Variants in ARSA observed in about 807,000 individuals in gnomAD.
The protein encoded by ARSA is arylsulfatase A, also known as cerebroside-sulfatase.
A neutral mutation model predicts 37.8 loss-of-function variants in ARSA; 32 were observed. The observed-to-expected ratio is 0.85, with a 90% CI of 0.64 to 1.14. The LOEUF (loss-of-function observed/expected upper bound fraction) is 1.14. Among genes scored for constraint, ARSA ranks in the 50% most tolerant of loss-of-function variants. ARSA has a pLI of 0.00. For missense variants in ARSA, 685 were observed against 686.3 expected (o/e 1.00, Z 0.02); for synonymous variants, 303 against 303.4 (o/e 1.00, Z 0.01).
Position 50,626,935 on chromosome 22 carries a change from A to T in ARSA, c.583T>A (p.Trp195Arg). The T allele has an allele frequency of 6.2e-7, 1 of 1,613,160 alleles. No homozygotes were observed. The highest frequency in any genetic ancestry group is 8.5e-7 in the Non-Finnish European group (1 of 1,179,946). ...ANLSVEAQPP[W>R]LPGLEARYMA... The stretch of plus-strand genomic sequence containing the variant: ...TAGCGGGCCTCTAGTCCGGGCAGCC[A>T]GGGGGGCTGCGCCTCCACGGACAGG... The change falls in exon 3 of 8, where the codon TGG becomes AGG. Residue 195 changes from tryptophan to arginine, a missense_variant. Trp to Arg is a moderately radical substitution (Grantham distance 101). Coordinates refer to ENST00000216124, the MANE Select transcript of ARSA (RefSeq NM_000487.6).
At chr22:50,625,511 G>A (rs1353416349) in intron 7 of ARSA, 47 bp from the exon 8 acceptor site, 1 of 1,612,172 alleles carries the variant, frequency 6.2e-7, no homozygotes, top group Admixed American at 1.7e-5. Flanking sequence ...CGAGAGGAGG[G>A]GCCAGGGATC....
In ARSA at chr22:50,628,091, G is replaced by T; in HGVS notation, c.-312C>A. 3 of 379,898 alleles carry T rather than the reference G, an allele frequency of 7.9e-6. No individual in the cohort carries two copies. Among genetic ancestry groups the T allele is most frequent in the East Asian group, 5.3e-5 (1 of 18,786 alleles). 23.5% of individuals were successfully genotyped at this position (379,898 alleles called of 1,614,324 possible). On this transcript the variant is annotated 5_prime_UTR_variant, in exon 1 of 8. Transcript: ENST00000216124. ...GGCGCTGACCAGCGGAGTCGGGCCG[G>T]GGGGAAGGCGCTAGAGGGAGCCCAG...
chr22:50,625,504 G>A (rs2082649014), intron 7 of ARSA, 40 bp from the exon 8 acceptor site: 2 of 1,612,090 alleles, frequency 1.2e-6, no homozygotes, highest in African/African-American at 1.3e-5. Flanking sequence ...GCAAGGGCGA[G>A]AGGAGGGGCC....
At position 50,624,373 on chromosome 22, in the gene ARSA, C is replaced by T. The variant is rs2082630485; in HGVS notation, c.*772G>A. ...GGCGTGAGCCACCGTGCCCAGCCAACAGATATTTTTAAGAGATCACTTTGT... is the reference window on the plus strand; with the variant it reads ...GGCGTGAGCCACCGTGCCCAGCCAATAGATATTTTTAAGAGATCACTTTGT... On this transcript the variant is annotated 3_prime_UTR_variant, in exon 8 of 8. Transcript: ENST00000216124. Among the ~76,000 whole-genome samples, 1 of 152,190 alleles carries T rather than the reference C, an allele frequency of 6.6e-6. No homozygotes were observed. Among genetic ancestry groups the T allele is most frequent in the Admixed American group, 6.5e-5 (1 of 15,270 alleles).
rs2146713993 is a variant in ARSA at position 50,624,702 on chromosome 22, TTC to T, written c.*441_*442del. Among the ~76,000 whole-genome samples, 1 of 152,288 alleles carries T rather than the reference TTC, an allele frequency of 6.6e-6. No homozygotes were observed. Among genetic ancestry groups the T allele is most frequent in the African/African-American group, 2.4e-5 (1 of 41,564 alleles). On this transcript the variant is annotated 3_prime_UTR_variant, in exon 8 of 8. Transcript: ENST00000216124. ...CCGTCTCTCTCAGGCACTTTGCATC[TTC>T]TGAGTCTTCTGGCCCTCACACCCTC...
Position 50,625,001 on chromosome 22 carries a change from C to T in ARSA, c.*144G>A, listed in dbSNP as rs2082638028. ...GGACCGGCACCAGCACACAGCATTA[C>T]CCCAGGATTGGACGAATTGTCACAT... On this transcript the variant is annotated 3_prime_UTR_variant, in exon 8 of 8. Transcript: ENST00000216124. 1 of 1,030,272 alleles carries T rather than the reference C, an allele frequency of 9.7e-7. No homozygotes were observed. Among genetic ancestry groups the T allele is most frequent in the Non-Finnish European group, 1.4e-6 (1 of 732,498 alleles). The allele number at this position is 1,030,272 out of a possible 1,614,324, so 63.8% of individuals were successfully genotyped here.
chr22:50,626,151 G>C lies in ARSA; in HGVS notation c.979+3C>G. ...GTTCCAAGGAGAGGGCCTGCGGACT[G>C]ACCGGGAGCGATATGACCTGGCCAG... On this transcript the variant is annotated splice_donor_region_variant and intron_variant, in intron 5 of 7. Coordinates refer to ENST00000216124, the MANE Select transcript of ARSA (RefSeq NM_000487.6). The C allele has an allele frequency of 6.2e-7, 1 of 1,601,160 alleles. No individual in the cohort carries two copies. The highest frequency in any genetic ancestry group is 8.5e-7 in the Non-Finnish European group (1 of 1,175,078).
chr22:50,625,826 C>G, intron 6 of ARSA, 110 bp downstream of exon 6: 1 of 1,542,918 alleles, frequency 6.5e-7, no homozygotes, highest in Non-Finnish European at 8.8e-7. Context: ...TTGGATGCCA[C>G]TCAGTGCAGG....
Position 50,625,106 on chromosome 22 carries a change from G to T in ARSA, c.*39C>A. 4.7e-6 allele frequency: 7 copies of T among 1,492,006 alleles called. No homozygotes were observed. The highest frequency in any genetic ancestry group is 6.2e-6 in the Non-Finnish European group (7 of 1,121,676). 92.4% of individuals were successfully genotyped at this position (1,492,006 alleles called of 1,614,324 possible). A position where few individuals can be genotyped will look rare whatever the true frequency, so the allele number is the denominator to read the frequency against. ...CCTGAGCCTCCCCCACAGGCTCCCA[G>T]TGAGGAGCCATCACATGCCCAGGCC... On this transcript the variant is annotated 3_prime_UTR_variant, in exon 8 of 8. Coordinates refer to ENST00000216124, the MANE Select transcript of ARSA (RefSeq NM_000487.6).
rs2082703623 is a variant in ARSA at position 50,627,808 on chromosome 22, G to C, written c.-29C>G. 1.6e-5 allele frequency: 25 copies of C among 1,528,664 alleles called. No homozygotes were observed. Among genetic ancestry groups the C allele is most frequent in the Non-Finnish European group, 2.0e-5 (23 of 1,139,354 alleles). The allele number at this position is 1,528,664 out of a possible 1,614,324, so 94.7% of individuals were successfully genotyped here. ...ACCGAGGGGTCTGTCCCAAGAGAGG[G>C]AGGGCTACTTGGCTCCAGCAGGCTC... On this transcript the variant is annotated 5_prime_UTR_variant, in exon 1 of 8. Coordinates refer to ENST00000216124, the MANE Select transcript of ARSA (RefSeq NM_000487.6).
In ARSA at chr22:50,626,820, C is replaced by A; in HGVS notation, c.684+14G>T. 6.2e-7 allele frequency: 1 copy of A among 1,611,558 alleles called. No individual in the cohort carries two copies. Among genetic ancestry groups the A allele is most frequent in the Non-Finnish European group, 8.5e-7 (1 of 1,178,142 alleles). ...GGTCACGGGCAGCCAGGGGGTTGGG[C>A]CAAGATCACTTACGTGAGAGGCATA... On this transcript the variant is annotated intron_variant, in intron 3 of 7. Coordinates refer to ENST00000216124, the MANE Select transcript of ARSA (RefSeq NM_000487.6).
rs6151416 is a variant in ARSA at position 50,626,801 on chromosome 22, G to A, written c.684+33C>T. On this transcript the variant is annotated intron_variant, in intron 3 of 7. Coordinates refer to ENST00000216124, the MANE Select transcript of ARSA (RefSeq NM_000487.6). ...GGAGTTAGCACTGGGTAGGGGTCAC[G>A]GGCAGCCAGGGGGTTGGGCCAAGAT... 101,439 of 1,611,146 alleles carry A rather than the reference G, an allele frequency of 0.063. 3,671 individuals are homozygous for A. The highest frequency in any genetic ancestry group is 0.072 in the Non-Finnish European group (85,073 of 1,177,726).
chr22:50,626,353 C>A, intron 4 of ARSA, 75 bp from the exon 5 acceptor site: 2 of 1,584,460 alleles, frequency 1.3e-6, no homozygotes, highest in East Asian at 4.5e-5. Flanking sequence ...TGGCCCCACA[C>A]CTCTAAGTCA....
chr22:50,626,386 A>G (rs1320243791), intron 4 of ARSA, 108 bp from the exon 5 acceptor site: 1 of 1,543,000 alleles, frequency 6.5e-7, no homozygotes, highest in Non-Finnish European at 8.7e-7. Flanking sequence ...GGAGGTGCCC[A>G]GCATGAGCCC....
Position 50,627,718 on chromosome 22 carries a change from C to T in ARSA, c.62G>A (p.Arg21His). The change falls in exon 1 of 8, where the codon CGT (arginine) becomes CAT (histidine). Residue 21 changes from arginine (R) to histidine (H), a missense_variant. Physicochemically the swap from Arg to His is conservative, Grantham distance 29 (BLOSUM62 0). Transcript: ENST00000216124. ...LALAAGLAVA[R>H]PPNIVLIFAD... ...AAAGATCAGCACGATGTTGGGCGGA[C>T]GGGCAACGGCCAGGCCAGCAGCCAG... is the stretch of plus-strand genomic sequence containing the variant. 2 of 1,554,048 alleles carry T rather than the reference C, an allele frequency of 1.3e-6. No homozygotes were observed. Among genetic ancestry groups the T allele is most frequent in the South Asian group, 1.2e-5 (1 of 84,356 alleles).
At position 50,623,932 on chromosome 22, in the gene ARSA, A is replaced by AC. The variant is rs2082624750; in HGVS notation, c.*1212_*1213insG. ...AAAAAAAAAAAAAAAAAAAAAAAAA[A>AC]AAAAAACAAAAACAAATCTTTAGAG... is the stretch of plus-strand genomic sequence containing the variant. On this transcript the variant is annotated 3_prime_UTR_variant, in exon 8 of 8. Transcript: ENST00000216124. 7 of 125,518 alleles carry AC rather than the reference A, an allele frequency of 5.6e-5. No individual in the cohort carries two copies. The highest frequency in any genetic ancestry group is 1.6e-4 in the Admixed American group (2 of 12,244). The allele number at this position is 125,518 out of a possible 1,614,324, so 7.8% of individuals were successfully genotyped here.
In ARSA at chr22:50,627,149, G is replaced by A; in HGVS notation, c.465+17C>T. Reference sequence around the variant, plus strand: ...TTGGGAGGTGGGAGGGTGGCTGAGGGCCCGGGTGGTTCCTACCTGGTCGTG... The same window carrying A: ...TTGGGAGGTGGGAGGGTGGCTGAGGACCCGGGTGGTTCCTACCTGGTCGTG... On this transcript the variant is annotated intron_variant, in intron 2 of 7. Coordinates refer to ENST00000216124, the MANE Select transcript of ARSA (RefSeq NM_000487.6). 1.2e-6 allele frequency: 2 copies of A among 1,602,770 alleles called. No homozygotes were observed. Among genetic ancestry groups the A allele is most frequent in the Admixed American group, 3.4e-5 (2 of 59,620 alleles).
rs759098239 is a variant in ARSA, at chr22:50,626,898, G to T, written c.620C>A (p.Ala207Asp). 1 of 1,613,490 alleles carries T rather than the reference G, an allele frequency of 6.2e-7. No individual in the cohort carries two copies. Among genetic ancestry groups the T allele is most frequent in the South Asian group, 1.1e-5 (1 of 91,078 alleles). ...PGLEARYMAF[A>D]HDLMADAQRQ... ...CTGGGCGTCGGCCATGAGGTCATGG[G>T]CGAAAGCCATGTAGCGGGCCTCTAG... is the stretch of plus-strand genomic sequence containing the variant. The change falls in exon 3 of 8, where the codon GCC (alanine) becomes GAC (aspartate). Residue 207 changes from alanine to aspartate, a missense_variant. By Grantham distance (126) the Ala-to-Asp change is moderately radical. Transcript: ENST00000216124.
At chr22:50,625,498 G>A (rs1177930083) in intron 7 of ARSA, 34 bp from the exon 8 acceptor site, 2 of 1,611,938 alleles carry the variant, frequency 1.2e-6, no homozygotes, top group Non-Finnish European at 8.5e-7. Flanking sequence ...CACAGGGCAA[G>A]GGCGAGAGGA....
Sources: allele counts gnomAD v4.1 joint callset (sites outside exome capture counted in the v4.1 genomes callset), GRCh38; gene constraint gnomAD v4.1.1; transcripts MANE v1.5; gene names NCBI Gene and HGNC (gene_info 2026-07-23, HGNC 2026-07-21).